Variants in SORCS2 observed in about 807,000 individuals in gnomAD.
SORCS2 encodes VPS10 domain-containing receptor SorCS2.
SORCS2 carries 100 observed loss-of-function variants against 141.6 expected under a neutral mutation model. The ratio of observed to expected loss-of-function variants is 0.71; its 90% CI spans 0.60 to 0.83. SORCS2 has a LOEUF of 0.83. SORCS2 is among the 40% of genes least tolerant of loss of function. The probability of loss-of-function intolerance (pLI) is 0.00; values close to 1 mark genes in which losing one functional copy is unlikely to be tolerated. For missense variants in SORCS2, 1,646 were observed against 1,560.2 expected (o/e 1.05, Z -0.93); for synonymous variants, 789 against 676.9 (o/e 1.17, Z -2.57).
intron 2 of SORCS2, among the ~76,000 whole-genome samples, chr4:7,517,286 G>T (rs929423048): frequency 6.6e-6 from 1 of 152,060 alleles, no homozygotes; most frequent in Non-Finnish European, 1.5e-5. Context: ...TTCCACAATC[G>T]CACGACTCGA....
At chr4:7,465,274 G>C (rs191609125) in intron 2 of SORCS2, among the ~76,000 whole-genome samples, 1 of 152,210 alleles carries the variant, frequency 6.6e-6, no homozygotes, top group African/African-American at 2.4e-5. Flanking sequence ...TAATCTCAGC[G>C]GTTGCCATTT....
chr4:7,453,203 G>A (rs1317924537), intron 2 of SORCS2, among the ~76,000 whole-genome samples: 3 of 132,960 alleles, frequency 2.3e-5, no homozygotes, highest in South Asian at 2.7e-4. Context: ...GCTCCGTGTT[G>A]GGGTCAGGCG....
At chr4:7,623,139 G>A (rs957247982) in intron 3 of SORCS2, among the ~76,000 whole-genome samples, 3 of 151,940 alleles carry the variant, frequency 2.0e-5, no homozygotes, top group African/African-American at 7.3e-5. Context: ...ATACCCCATC[G>A]CTGATAATCA....
chr4:7,575,774 A>T (rs1219693929), intron 3 of SORCS2, among the ~76,000 whole-genome samples: 2 of 152,106 alleles, frequency 1.3e-5, no homozygotes, highest in Non-Finnish European at 2.9e-5. Context: ...AGGATCAGAG[A>T]GGTTAACAGA....
At chr4:7,659,730 G>A (rs1722029138) in intron 5 of SORCS2, among the ~76,000 whole-genome samples, 1 of 152,230 alleles carries the variant, frequency 6.6e-6, no homozygotes, top group Admixed American at 6.5e-5. Context: ...TGGGCAGTCT[G>A]TGAGAGCACA....
At chr4:7,463,860 C>T (rs1729458919) in intron 2 of SORCS2, among the ~76,000 whole-genome samples, 2 of 152,212 alleles carry the variant, frequency 1.3e-5, no homozygotes, top group Admixed American at 1.3e-4. Context: ...AGCTGTCACA[C>T]TGGGAACCAA....
chr4:7,726,957 A>T, intron 21 of SORCS2, 54 bp downstream of exon 21: 3 of 1,564,392 alleles, frequency 1.9e-6, no homozygotes, highest in Non-Finnish European at 1.7e-6. Context: ...GCTGCAGTCC[A>T]GGAAGCCAGG....
chr4:7,452,090 C>T (rs896757533), intron 2 of SORCS2, among the ~76,000 whole-genome samples: 6 of 152,148 alleles, frequency 3.9e-5, no homozygotes, highest in African/African-American at 1.4e-4. Context: ...TTGTGCCACA[C>T]ACCCGATACC....
chr4:7,575,983 CTTGAA>C (rs1560398796), intron 3 of SORCS2, among the ~76,000 whole-genome samples: 1 of 152,148 alleles, frequency 6.6e-6, no homozygotes, highest in East Asian at 1.9e-4. Flanking sequence ...TCGGTTGATT[CTTGAA>C]TTGATGAAGT....
At chr4:7,423,659 G>C (rs945058042) in intron 2 of SORCS2, among the ~76,000 whole-genome samples, 1 of 152,156 alleles carries the variant, frequency 6.6e-6, no homozygotes, top group Non-Finnish European at 1.5e-5. Context: ...TTCGTGCCCA[G>C]GACCAGCCCT....
chr4:7,526,732 G>A (rs1733719262), intron 2 of SORCS2, among the ~76,000 whole-genome samples: 1 of 152,182 alleles, frequency 6.6e-6, no homozygotes, highest in Non-Finnish European at 1.5e-5. Context: ...TCTCAGCTGG[G>A]GGCGCTGACG....
intron 3 of SORCS2, among the ~76,000 whole-genome samples, chr4:7,568,688 C>T (rs1577765938): frequency 6.6e-6 from 1 of 152,268 alleles, no homozygotes; most frequent in African/African-American, 2.4e-5. Flanking sequence ...ACTGTGTTTC[C>T]CTCAAAAACT....
chr4:7,559,036 C>T (rs1714338974), intron 3 of SORCS2, among the ~76,000 whole-genome samples: 1 of 152,240 alleles, frequency 6.6e-6, no homozygotes. Context: ...TGAGCCACTA[C>T]TCGCTTCCTC....
At chr4:7,704,783 G>T (rs1388179670) in intron 14 of SORCS2, among the ~76,000 whole-genome samples, 1 of 152,198 alleles carries the variant, frequency 6.6e-6, no homozygotes, top group Non-Finnish European at 1.5e-5. Flanking sequence ...GACATGCGGC[G>T]TTCGACTGCA....
At chr4:7,661,219 C>A (rs1722138487) in intron 5 of SORCS2, among the ~76,000 whole-genome samples, 1 of 129,366 alleles carries the variant, frequency 7.7e-6, no homozygotes, top group Admixed American at 8.7e-5. Context: ...AAACCCAACC[C>A]CCTCAGCTCA....
intron 2 of SORCS2, among the ~76,000 whole-genome samples, chr4:7,411,622 AT>A (rs1725314427): frequency 6.6e-6 from 1 of 151,870 alleles, no homozygotes; most frequent in South Asian, 2.1e-4. Flanking sequence ...CCACCCCTCC[AT>A]CCACCTACCT....
chr4:7,695,600 G>A (rs139004749), intron 11 of SORCS2, among the ~76,000 whole-genome samples: 289 of 5,674 alleles, frequency 0.051, 54 homozygotes, highest in East Asian at 0.12. Context: ...GGGTGGGTGG[G>A]TGGATGGATG....
chr4:7,209,616 G>A, intron 1 of SORCS2, among the ~76,000 whole-genome samples: 1 of 152,100 alleles, frequency 6.6e-6, no homozygotes, highest in Non-Finnish European at 1.5e-5. Flanking sequence ...GTTTGGAGCA[G>A]TCAGGCACAG....
intron 3 of SORCS2, among the ~76,000 whole-genome samples, chr4:7,582,696 G>T (rs1168969361): frequency 6.6e-6 from 1 of 152,112 alleles, no homozygotes; most frequent in Non-Finnish European, 1.5e-5. Context: ...TATAAAAAAT[G>T]AAGACCCCTG....
Sources: gnomAD v4.1 joint callset for allele counts (sites outside exome capture counted in the v4.1 genomes callset) on GRCh38, gnomAD v4.1.1 for gene constraint, MANE v1.5 for transcripts, NCBI Gene and HGNC (gene_info 2026-07-23, HGNC 2026-07-21) for gene names.